The following TAFA1 variants were observed in gnomAD, a reference collection of about 807,000 sequenced individuals.
TAFA1 encodes chemokine-like protein TAFA-1.
TAFA1 carries 4 observed loss-of-function variants against 18.5 expected under a neutral mutation model. The ratio of observed to expected loss-of-function variants is 0.22; its 90% CI spans 0.11 to 0.49. The LOEUF (loss-of-function observed/expected upper bound fraction) is 0.49, where lower values mean the gene tolerates loss of function less well. Among genes scored for constraint, TAFA1 ranks in the 20% least tolerant of loss-of-function variants. TAFA1 has a pLI of 0.98. For synonymous variants in TAFA1, 56 were observed against 55.2 expected, an observed-to-expected ratio of 1.01 and a Z score of -0.06; for missense variants, 147 against 169.0, an observed-to-expected ratio of 0.87 and a Z score of 0.72.
At chr3:68,104,217 A>G (rs2106823404) in intron 2 of TAFA1, among the ~76,000 whole-genome samples, 1 of 152,316 alleles carries the variant, frequency 6.6e-6, no homozygotes. Context: ...ATATGGGTCT[A>G]TTGTGTTTAT....
chr3:68,537,524 G>C (rs368955724), intron 3 of TAFA1, among the ~76,000 whole-genome samples: 5 of 152,276 alleles, frequency 3.3e-5, no homozygotes, highest in African/African-American at 9.6e-5. Context: ...AGAGAAAATA[G>C]CTGGTAAATA....
chr3:68,478,503 T>C (rs2072147942), intron 3 of TAFA1, among the ~76,000 whole-genome samples: 1 of 152,224 alleles, frequency 6.6e-6, no homozygotes, highest in Admixed American at 6.5e-5. Context: ...TTATTCACCT[T>C]CCATAAGAAG....
Position 68,305,427 on chromosome 3 carries a change from A to C in TAFA1, c.119-111853A>C, listed in dbSNP as rs1420590269. 1.9e-3 allele frequency among the ~76,000 whole-genome samples: 187 copies of C among 96,590 alleles called. 5 individuals are homozygous for C. Among genetic ancestry groups the C allele is most frequent in the Middle Eastern group, 0.017 (4 of 242 alleles). 63.4% of individuals were successfully genotyped at this position (96,590 alleles called of 152,430 possible). On this transcript the variant is annotated intron_variant, in intron 2 of 4. Transcript: ENST00000478136. Reference sequence around the variant, plus strand: ...TATATGACTATATATATATATATATATATATATATATATATATATATATAT... The same window carrying C: ...TATATGACTATATATATATATATATCTATATATATATATATATATATATAT...
At chr3:68,527,788 C>T (rs1246400326) in intron 3 of TAFA1, among the ~76,000 whole-genome samples, 1 of 152,080 alleles carries the variant, frequency 6.6e-6, no homozygotes, top group Non-Finnish European at 1.5e-5. Flanking sequence ...TAAAAAATAA[C>T]TTTTGTCTCA....
At chr3:68,423,434 A>G (rs943563555) in intron 3 of TAFA1, among the ~76,000 whole-genome samples, 7 of 152,142 alleles carry the variant, frequency 4.6e-5, no homozygotes, top group Non-Finnish European at 8.8e-5. Flanking sequence ...TTCATCAAGC[A>G]TAGGCAAACT....
intron 2 of TAFA1, among the ~76,000 whole-genome samples, chr3:68,245,879 T>C (rs1208522089): frequency 1.3e-5 from 2 of 152,202 alleles, no homozygotes; most frequent in Admixed American, 1.3e-4. Flanking sequence ...AATATGTTGG[T>C]CTTTTACAAG....
chr3:68,170,703 C>G (rs2066041630), intron 2 of TAFA1, among the ~76,000 whole-genome samples: 1 of 152,126 alleles, frequency 6.6e-6, no homozygotes, highest in South Asian at 2.1e-4. Context: ...ACTACTGGAG[C>G]ATTGGAGGCA....
intron 2 of TAFA1, among the ~76,000 whole-genome samples, chr3:68,338,529 T>A (rs1217129555): frequency 1.3e-5 from 2 of 152,088 alleles, no homozygotes. Context: ...GAACCCTTTA[T>A]AATGAAGCAT....
chr3:67,993,825 G>A, the TAFA1 span, among the ~76,000 whole-genome samples: 16 of 152,064 alleles, frequency 1.1e-4, no homozygotes, highest in Non-Finnish European at 2.4e-4. Context: ...AGAGAAGTTT[G>A]GAAAATGTGG....
intron 2 of TAFA1, among the ~76,000 whole-genome samples, chr3:68,053,512 G>A (rs768316948): frequency 2.0e-4 from 31 of 151,796 alleles, no homozygotes; most frequent in South Asian, 1.9e-3. Flanking sequence ...CCAAAACCTT[G>A]ACATCTGTAT....
At chr3:68,337,146 G>C (rs948021602) in intron 2 of TAFA1, among the ~76,000 whole-genome samples, 1 of 152,188 alleles carries the variant, frequency 6.6e-6, no homozygotes, top group African/African-American at 2.4e-5. Flanking sequence ...GCTGGATAAT[G>C]TATTTTTAAA....
In TAFA1 at chr3:68,269,047, A is replaced by G. The variant is rs778240895; in HGVS notation, c.119-148233A>G. Among the ~76,000 whole-genome samples, 64 of 151,884 alleles carry G rather than the reference A, an allele frequency of 4.2e-4. 1 individual carries two copies. The highest frequency in any genetic ancestry group is 7.4e-5 in the Non-Finnish European group (5 of 67,984). On this transcript the variant is annotated intron_variant, in intron 2 of 4. Coordinates refer to ENST00000478136, the MANE Select transcript of TAFA1 (RefSeq NM_213609.4). ...TTCCCTTCTTTCTCATCTCTAACAC[A>G]TTCCCATTGATGCTGATGCTGCCTG...
intron 2 of TAFA1, among the ~76,000 whole-genome samples, chr3:68,260,913 G>C (rs988969149): frequency 6.6e-6 from 1 of 152,062 alleles, no homozygotes; most frequent in Admixed American, 6.6e-5. Flanking sequence ...AGCCAAAATT[G>C]ACAAATGGGA....
chr3:68,279,197 A>G (rs578128734), intron 2 of TAFA1, among the ~76,000 whole-genome samples: 49 of 152,320 alleles, frequency 3.2e-4, no homozygotes, highest in African/African-American at 1.2e-3. Flanking sequence ...ATAGCTAAAA[A>G]ATATTCAACT....
chr3:68,206,355 T>G (rs1283331258), intron 2 of TAFA1, among the ~76,000 whole-genome samples: 1 of 151,868 alleles, frequency 6.6e-6, no homozygotes, highest in South Asian at 2.1e-4. Context: ...ATGAGATAGA[T>G]GTTTTCTTTT....
chr3:68,045,931 T>G (rs1302090675), intron 2 of TAFA1, among the ~76,000 whole-genome samples: 1 of 152,220 alleles, frequency 6.6e-6, no homozygotes, highest in Non-Finnish European at 1.5e-5. Flanking sequence ...TGAAGTAGCA[T>G]TCTAGTGATA....
chr3:68,513,501 T>G (rs1376337325), intron 3 of TAFA1, among the ~76,000 whole-genome samples: 1 of 152,190 alleles, frequency 6.6e-6, no homozygotes, highest in Admixed American at 6.5e-5. Context: ...TTATCTTATT[T>G]GACAGCCATA....
intron 2 of TAFA1, among the ~76,000 whole-genome samples, chr3:68,122,137 GA>G (rs1176990790): frequency 1.3e-5 from 2 of 152,008 alleles, no homozygotes; most frequent in Non-Finnish European, 2.9e-5. Flanking sequence ...TCTAACTCAA[GA>G]GTCAAATTTT....
chr3:68,173,734 C>T (rs954956258), intron 2 of TAFA1, among the ~76,000 whole-genome samples: 8 of 152,068 alleles, frequency 5.3e-5, no homozygotes, highest in Non-Finnish European at 7.4e-5. Context: ...AAATAGGCAA[C>T]ATGGTGTATT....
Sources: gnomAD v4.1 joint callset for allele counts (sites outside exome capture counted in the v4.1 genomes callset) on GRCh38, gnomAD v4.1.1 for gene constraint, MANE v1.5 for transcripts, NCBI Gene and HGNC (gene_info 2026-07-23, HGNC 2026-07-21) for gene names.